The following SETD1A variants were observed in gnomAD, a reference collection of about 807,000 sequenced individuals.
SETD1A encodes histone-lysine N-methyltransferase SETD1A.
A neutral mutation model predicts 149.9 loss-of-function variants in SETD1A; 29 were observed. That is an observed-to-expected ratio of 0.19 (90% CI 0.14 to 0.26). The LOEUF (loss-of-function observed/expected upper bound fraction) is 0.26. SETD1A is among the 10% of genes least tolerant of loss of function. The pLI is 1.00. For missense variants in SETD1A, 2,109 were observed against 2,353.1 expected, an observed-to-expected ratio of 0.90 and a Z score of 2.15; for synonymous variants, 1,141 against 968.5, an observed-to-expected ratio of 1.18 and a Z score of -3.31.
intron 13 of SETD1A, 96 bp from the exon 14 acceptor site, chr16:30,979,049 G>A: frequency 2.3e-6 from 3 of 1,280,320 alleles, no homozygotes; most frequent in Middle Eastern, 2.8e-4. Context: ...CTGGGCGGAA[G>A]TGGGGGAGAG....
At chr16:30,978,467 AG>A (rs1195698213) in intron 13 of SETD1A, among the ~76,000 whole-genome samples, 1 of 152,012 alleles carries the variant, frequency 6.6e-6, no homozygotes, top group African/African-American at 2.4e-5. Flanking sequence ...CTGGGGAGGC[AG>A]CACCCCCAGC....
Position 30,967,584 on chromosome 16 carries a change from A to T in SETD1A, c.2766A>T (p.Glu922Asp), listed in dbSNP as rs773596048. ...PRPSTPAEED[E>D]DDPEQEKEAG... is the part of the protein sequence containing the mutation. ...CCTCCACTCCTGCTGAGGAAGATGA[A>T]GACGGTGAGCAGGGTCAGGCATAAG... Residue 922 changes from glutamate (E) to aspartate (D), a missense_variant, in exon 10 of 19, where the codon GAA becomes GAT. Around this residue, in one of 8 missense-constraint regions of SETD1A, gnomAD observed 832 missense variants for 815.6 expected, o/e 1.02. Coordinates refer to ENST00000262519, the MANE Select transcript of SETD1A (RefSeq NM_014712.3). 3 of 1,613,642 alleles carry T rather than the reference A, an allele frequency of 1.9e-6. No individual in the cohort carries two copies. The Admixed American group carries it at 5.0e-5, about 27-fold the overall frequency.
intron 5 of SETD1A, among the ~76,000 whole-genome samples, 178 bp from the exon 6 acceptor site, chr16:30,963,916 C>T (rs1020141787): frequency 4.0e-5 from 6 of 151,560 alleles, no homozygotes; most frequent in Admixed American, 6.6e-5. Context: ...GGCATGAACC[C>T]GGGAGGCGGA....
chr16:30,971,880 G>A (rs2143540148), intron 13 of SETD1A, among the ~76,000 whole-genome samples, 161 bp downstream of exon 13: 1 of 152,320 alleles, frequency 6.6e-6, no homozygotes, highest in East Asian at 1.9e-4. Context: ...GACATTGATT[G>A]TCTGACACAC....
intron 5 of SETD1A, 36 bp from the exon 6 acceptor site, chr16:30,964,058 C>G: frequency 1.9e-6 from 3 of 1,541,718 alleles, no homozygotes; most frequent in Non-Finnish European, 1.8e-6. Context: ...GTGTTTGAGC[C>G]CATTCCTCTC....
At chr16:30,973,221 G>T (rs1450029239) in intron 13 of SETD1A, among the ~76,000 whole-genome samples, 2 of 152,176 alleles carry the variant, frequency 1.3e-5, no homozygotes, top group Non-Finnish European at 2.9e-5. Context: ...CCCATCAGAG[G>T]AATGACATGG....
At chr16:30,967,722 T>G in intron 10 of SETD1A, 134 bp downstream of exon 10, 1 of 716,214 alleles carries the variant, frequency 1.4e-6, no homozygotes, top group Non-Finnish European at 2.5e-6. Context: ...ATGCAGCAGT[T>G]CTGAGAGGTA....
At chr16:30,963,703 G>A in intron 5 of SETD1A, 149 bp downstream of exon 5, 1 of 905,740 alleles carries the variant, frequency 1.1e-6, no homozygotes, top group African/African-American at 1.7e-5. Context: ...AAAAGACAGG[G>A]AACTAGGGGC....
Position 30,969,453 on chromosome 16 carries a change from C to T in SETD1A, c.2919C>T (p.Ser973=). The T allele has an allele frequency of 1.9e-6, 3 of 1,610,934 alleles. No individual in the cohort carries two copies. Among genetic ancestry groups the T allele is most frequent in the Non-Finnish European group, 2.5e-6 (3 of 1,178,414 alleles). Residue 973 remains serine, a synonymous_variant, in exon 11 of 19, where the codon TCC becomes TCT. Coordinates refer to ENST00000262519, the MANE Select transcript of SETD1A (RefSeq NM_014712.3). ...SEGEEASQES[S]SEKDEEDDEE... ...GGGAGGAGGCATCCCAGGAGTCCTC[C>T]TCGGAGAAGGTGAGGGCCCGGGCGC...
intron 3 of SETD1A, among the ~76,000 whole-genome samples, chr16:30,960,730 C>CTTTTTTTTTTTTTTTTTTT (rs71374043): frequency 6.2e-5 from 5 of 80,548 alleles, no homozygotes; most frequent in East Asian, 3.6e-4. Flanking sequence ...TTCTTTCTTT[C>CTTTTTTTTTTTTTTTTTTT]TTTTTTTTTT....
chr16:30,966,134 C>A lies in SETD1A; in HGVS notation c.2253C>A (p.Pro751=). 1 of 1,604,410 alleles carries A rather than the reference C, an allele frequency of 6.2e-7. No individual in the cohort carries two copies. The highest frequency in any genetic ancestry group is 8.5e-7 in the Non-Finnish European group (1 of 1,174,500). ...GAYSREAYHL[P]MPMAAEPLPS... ...ACTCACGGGAGGCCTACCACCTGCC[C>A]ATGCCAATGGCAGCCGAGCCCCTGC... Residue 751 remains proline, a synonymous_variant, in exon 8 of 19, where the codon CCC becomes CCA. Transcript: ENST00000262519.
At position 30,984,222 on chromosome 16, in the gene SETD1A, C is replaced by G; in HGVS notation, c.*199C>G. 1.7e-6 allele frequency: 1 copy of G among 576,334 alleles called. No individual in the cohort carries two copies. The highest frequency in any genetic ancestry group is 2.9e-5 in the East Asian group (1 of 34,702). 35.7% of individuals were successfully genotyped at this position (576,334 alleles called of 1,614,324 possible). A position where few individuals can be genotyped will look rare whatever the true frequency, so the allele number is the denominator to read the frequency against. ...CTCTCCTGTCACCCCTGCCCACCAC[C>G]CCCTGATTGTTTTTCTTTGCGGAGA... is the stretch of plus-strand genomic sequence containing the variant. On this transcript the variant is annotated 3_prime_UTR_variant, in exon 19 of 19. Coordinates refer to ENST00000262519, the MANE Select transcript of SETD1A (RefSeq NM_014712.3).
chr16:30,959,659 C>T (rs1463099727), intron 3 of SETD1A, among the ~76,000 whole-genome samples: 1 of 152,236 alleles, frequency 6.6e-6, no homozygotes, highest in Middle Eastern at 3.4e-3. Flanking sequence ...TTGAACTGGG[C>T]CTGGAACACT....
At position 30,984,222 on chromosome 16, in the gene SETD1A, C is replaced by T; in HGVS notation, c.*199C>T. 1.7e-6 allele frequency: 1 copy of T among 576,332 alleles called. No homozygotes were observed. The highest frequency in any genetic ancestry group is 3.1e-6 in the Non-Finnish European group (1 of 324,546). 35.7% of individuals were successfully genotyped at this position (576,332 alleles called of 1,614,324 possible). On this transcript the variant is annotated 3_prime_UTR_variant, in exon 19 of 19. Coordinates refer to ENST00000262519, the MANE Select transcript of SETD1A (RefSeq NM_014712.3). ...CTCTCCTGTCACCCCTGCCCACCAC[C>T]CCCTGATTGTTTTTCTTTGCGGAGA...
rs1403203197 is a variant in SETD1A, at chr16:30,963,524, G to A, written c.609G>A (p.Lys203=). ...CTGGGGGCAAGGCCCTGAGTGAGAAGTTCCAAGGCTCGGGTGCAGCCACTG... is the reference window on the plus strand; with the variant it reads ...CTGGGGGCAAGGCCCTGAGTGAGAAATTCCAAGGCTCGGGTGCAGCCACTG... ...VPTGGKALSE[K]FQGSGAATET... The change falls in exon 5 of 19, where the codon AAG becomes AAA. Residue 203 remains lysine, a synonymous_variant. Coordinates refer to ENST00000262519, the MANE Select transcript of SETD1A (RefSeq NM_014712.3). 1.2e-6 allele frequency: 2 copies of A among 1,613,522 alleles called. No individual in the cohort carries two copies. Among genetic ancestry groups the A allele is most frequent in the Non-Finnish European group, 1.7e-6 (2 of 1,179,700 alleles).
intron 4 of SETD1A, among the ~76,000 whole-genome samples, chr16:30,963,132 C>T (rs1253795486): frequency 6.6e-6 from 1 of 152,168 alleles, no homozygotes; most frequent in East Asian, 1.9e-4. Context: ...TTGTGTAGGT[C>T]GCTTTTAAGC....
chr16:30,957,804 C>CT lies in SETD1A; in HGVS notation c.-176_-175insT. 6.6e-6 allele frequency: 1 copy of CT among 152,220 alleles called. No homozygotes were observed. The highest frequency in any genetic ancestry group is 1.9e-4 in the East Asian group (1 of 5,186). 9.4% of individuals were successfully genotyped at this position (152,220 alleles called of 1,614,324 possible). On this transcript the variant is annotated 5_prime_UTR_variant, in exon 1 of 19. Coordinates refer to ENST00000262519, the MANE Select transcript of SETD1A (RefSeq NM_014712.3). Reference sequence around the variant, plus strand: ...AGATCGTCGTGGCGAAGCCGACTCTCCGGGGGATGCGGCCAATCTCCAAGC... The same window carrying CT: ...AGATCGTCGTGGCGAAGCCGACTCTCTCGGGGGATGCGGCCAATCTCCAAGC...
chr16:30,971,861 C>T, intron 13 of SETD1A, 142 bp downstream of exon 13: 9 of 1,135,700 alleles, frequency 7.9e-6, no homozygotes, highest in Non-Finnish European at 9.5e-6. Context: ...CCTGTCACTA[C>T]CTTCTAGAGA....
chr16:30,964,987 C>A lies in SETD1A; in HGVS notation c.1245C>A (p.Pro415=). Residue 415 remains proline, a synonymous_variant, in exon 7 of 19, where the codon CCC becomes CCA. Coordinates refer to ENST00000262519, the MANE Select transcript of SETD1A (RefSeq NM_014712.3). ...CTTCTTACACCTCCTACCTGCCCCC[C>A]GAGCCCAGCCGGCCCACCGACCAGG... ...FPPSYTSYLP[P]EPSRPTDQDY... The A allele has an allele frequency of 6.2e-7, 1 of 1,613,966 alleles. No homozygotes were observed. Among genetic ancestry groups the A allele is most frequent in the Non-Finnish European group, 8.5e-7 (1 of 1,179,994 alleles).
Sources: allele counts gnomAD v4.1 joint callset (sites outside exome capture counted in the v4.1 genomes callset), GRCh38; gene constraint gnomAD v4.1.1; regional missense constraint gnomAD v4.1.1; transcripts MANE v1.5; gene names NCBI Gene and HGNC (gene_info 2026-07-23, HGNC 2026-07-21).